The following MYT1L variants were observed in gnomAD, a reference collection of about 807,000 sequenced individuals.
MYT1L encodes myelin transcription factor 1 like, also known as myelin transcription factor 1-like protein.
Under a neutral mutation model 126.7 loss-of-function variants are expected in MYT1L, and 12 were observed. The ratio of observed to expected loss-of-function variants is 0.09; its 90% CI spans 0.06 to 0.15. The LOEUF (loss-of-function observed/expected upper bound fraction) is 0.15. Among genes scored for constraint, MYT1L ranks in the 10% least tolerant of loss-of-function variants. The pLI is 1.00. For synonymous variants in MYT1L, 541 were observed against 604.2 expected (o/e 0.90, Z 1.53); for missense variants, 979 against 1,585.2 (o/e 0.62, Z 6.49).
chr2:1,858,715 C>A (rs2044215260), intron 18 of MYT1L, among the ~76,000 whole-genome samples: 1 of 152,240 alleles, frequency 6.6e-6, no homozygotes, highest in African/African-American at 2.4e-5. Flanking sequence ...GTAAATCACT[C>A]TGCAGTTTGT....
chr2:1,867,019 G>GGGGGAGAGAGGGAGAGGGGCAGCC (rs2045661548), intron 18 of MYT1L, among the ~76,000 whole-genome samples: 2 of 140,666 alleles, frequency 1.4e-5, no homozygotes, highest in Admixed American at 7.1e-5. Context: ...AGAGAGGGAT[G>GGGGGAGAGAGGGAGAGGGGCAGCC]GGGGAGAGAG....
intron 21 of MYT1L, among the ~76,000 whole-genome samples, chr2:1,819,940 C>T (rs1164434093): frequency 1.3e-5 from 2 of 151,956 alleles, no homozygotes; most frequent in Non-Finnish European, 2.9e-5. Flanking sequence ...GGATTGGAAG[C>T]ATGTAATCCT....
chr2:2,221,326 C>T lies in MYT1L; in HGVS notation c.-420-48338G>A, dbSNP rs553216499. Among the ~76,000 whole-genome samples, 409 of 152,176 alleles carry T rather than the reference C, an allele frequency of 2.7e-3. 3 individuals are homozygous for T. The Middle Eastern group carries it at 0.027, about 10-fold the overall frequency. On this transcript the variant is annotated intron_variant, in intron 2 of 24. Coordinates refer to ENST00000647738, the MANE Select transcript of MYT1L (RefSeq NM_001303052.2). ...GCTGGCATGGATTGAGTCTGTGCACCTCTTGGATTATTAGTCTGAGTCTGC... is the reference window on the plus strand; with the variant it reads ...GCTGGCATGGATTGAGTCTGTGCACTTCTTGGATTATTAGTCTGAGTCTGC...
chr2:1,952,653 C>A lies in MYT1L; in HGVS notation c.153-9319G>T, dbSNP rs377585496. Among the ~76,000 whole-genome samples the A allele has an allele frequency of 8.0e-5, 12 of 150,612 alleles. No homozygotes were observed. The East Asian group carries it at 1.2e-3, about 15-fold the overall frequency. The stretch of plus-strand genomic sequence containing the variant: ...ACCCTTGTGTGCCACGGCACACCAC[C>A]CCCAGCCATCAGCACCAACAATGCT... On this transcript the variant is annotated intron_variant, in intron 8 of 24. Transcript: ENST00000647738.
At chr2:2,099,975 G>A (rs934611376) in intron 3 of MYT1L, among the ~76,000 whole-genome samples, 9 of 152,154 alleles carry the variant, frequency 5.9e-5, no homozygotes, top group South Asian at 2.1e-4. Flanking sequence ...GGGAATGGGC[G>A]CCATAGGCCT....
intron 3 of MYT1L, among the ~76,000 whole-genome samples, chr2:2,144,515 T>A (rs763570240): frequency 2.0e-5 from 3 of 152,224 alleles, no homozygotes; most frequent in Non-Finnish European, 4.4e-5. Flanking sequence ...CCTGAATCTC[T>A]AATACTATGG....
chr2:1,875,199 G>A (rs569700555), intron 18 of MYT1L, among the ~76,000 whole-genome samples: 2 of 152,160 alleles, frequency 1.3e-5, no homozygotes, highest in Non-Finnish European at 2.9e-5. Flanking sequence ...TAGAGCTGCC[G>A]GGGTGAGTGC....
At chr2:2,193,672 A>G (rs2092688213) in intron 2 of MYT1L, among the ~76,000 whole-genome samples, 1 of 152,206 alleles carries the variant, frequency 6.6e-6, no homozygotes. Flanking sequence ...GTGAGAATTG[A>G]AAATAACTGA....
intron 3 of MYT1L, among the ~76,000 whole-genome samples, chr2:2,085,298 C>G (rs1376896706): frequency 6.6e-6 from 1 of 152,114 alleles, no homozygotes; most frequent in African/African-American, 2.4e-5. Context: ...CTCTAGAGAC[C>G]CCCACTGTCT....
chr2:2,022,761 G>T (rs946727593), intron 4 of MYT1L, among the ~76,000 whole-genome samples: 8 of 151,812 alleles, frequency 5.3e-5, no homozygotes, highest in Non-Finnish European at 8.8e-5. Context: ...TTCTTTGTCC[G>T]TATTTATCTT....
intron 2 of MYT1L, among the ~76,000 whole-genome samples, chr2:2,197,038 T>C (rs1183363948): frequency 6.6e-6 from 1 of 152,086 alleles, no homozygotes; most frequent in Non-Finnish European, 1.5e-5. Context: ...TAAGGAAAAT[T>C]ATTATAAATT....
Position 1,984,655 on chromosome 2 carries a change from G to A in MYT1L, c.1-4878C>T, listed in dbSNP as rs554030219. Reference sequence around the variant, plus strand: ...CTCCCGAGTAGCTGGGACTACAGGCGCCCGCCACCATGCCCGGCTAATTTT... The same window carrying A: ...CTCCCGAGTAGCTGGGACTACAGGCACCCGCCACCATGCCCGGCTAATTTT... On this transcript the variant is annotated intron_variant, in intron 5 of 24. Coordinates refer to ENST00000647738, the MANE Select transcript of MYT1L (RefSeq NM_001303052.2). Among the ~76,000 whole-genome samples the A allele has an allele frequency of 2.1e-3, 319 of 151,626 alleles. 2 individuals are homozygous for A. The highest frequency in any genetic ancestry group is 7.4e-3 in the African/African-American group (305 of 41,326).
chr2:2,076,317 G>A (rs1180147613), intron 3 of MYT1L, among the ~76,000 whole-genome samples: 1 of 152,204 alleles, frequency 6.6e-6, no homozygotes. Context: ...TTACAAGCAT[G>A]GATTAAGAGT....
intron 1 of MYT1L, among the ~76,000 whole-genome samples, chr2:2,288,531 G>A (rs567609704): frequency 6.6e-6 from 1 of 152,132 alleles, no homozygotes; most frequent in South Asian, 2.1e-4. Context: ...CAAAAGATTT[G>A]GTCACAGCAT....
At chr2:2,136,545 C>G (rs140130980) in intron 3 of MYT1L, among the ~76,000 whole-genome samples, 1 of 152,184 alleles carries the variant, frequency 6.6e-6, no homozygotes, top group Admixed American at 6.5e-5. Flanking sequence ...ATCATGGACA[C>G]GTCCCAGCCT....
intron 4 of MYT1L, among the ~76,000 whole-genome samples, chr2:2,003,524 AC>A (rs2062624432): frequency 1.3e-5 from 2 of 152,202 alleles, no homozygotes; most frequent in South Asian, 4.2e-4. Context: ...CCACTGATGG[AC>A]CATGGCCTGT....
intron 3 of MYT1L, among the ~76,000 whole-genome samples, chr2:2,099,662 T>C (rs996003822): frequency 1.1e-4 from 16 of 152,234 alleles, no homozygotes; most frequent in Non-Finnish European, 2.9e-5. Flanking sequence ...AAGCTCTGGT[T>C]AAAATGTCCT....
At chr2:1,891,940 T>C (rs991309348) in intron 15 of MYT1L, 97 bp downstream of exon 15, 46 of 1,435,324 alleles carry the variant, frequency 3.2e-5, no homozygotes, top group Middle Eastern at 5.1e-4. Flanking sequence ...GTTTGCCCCA[T>C]ACAGCTGCCC....
chr2:2,186,576 C>T (rs1250136559), intron 2 of MYT1L, among the ~76,000 whole-genome samples: 1 of 152,172 alleles, frequency 6.6e-6, no homozygotes, highest in Admixed American at 6.5e-5. Context: ...TGTAAAGTCT[C>T]CATGTCTCCC....
Sources: gnomAD v4.1 joint callset for allele counts (sites outside exome capture counted in the v4.1 genomes callset) on GRCh38, gnomAD v4.1.1 for gene constraint, MANE v1.5 for transcripts, NCBI Gene and HGNC (gene_info 2026-07-23, HGNC 2026-07-21) for gene names.